The following TNFRSF8 variants were observed in gnomAD, a reference collection of about 807,000 sequenced individuals.
TNFRSF8 encodes tumor necrosis factor receptor superfamily member 8.
TNFRSF8 carries 26 observed loss-of-function variants against 70.8 expected under a neutral mutation model. The observed-to-expected ratio is 0.37, with a 90% confidence interval of 0.27 to 0.51. The LOEUF (loss-of-function observed/expected upper bound fraction) is 0.51. Ranked by LOEUF, TNFRSF8 falls within the 20% of genes least tolerant of loss-of-function variation. TNFRSF8 has a pLI of 0.94. For synonymous variants in TNFRSF8, 356 were observed against 339.2 expected (o/e 1.05, Z -0.54); for missense variants, 720 against 807.9 (o/e 0.89, Z 1.32).
chr1:12,104,511 G>A lies in TNFRSF8; in HGVS notation c.401G>A (p.Gly134Glu), dbSNP rs1410281984. The A allele has an allele frequency of 6.2e-7, 1 of 1,614,172 alleles. No homozygotes were observed. Among genetic ancestry groups the A allele is most frequent in the East Asian group, 2.2e-5 (1 of 44,888 alleles). ...TTCTTCCATTCTGTCTGTCCGGCAG[G>A]GATGATTGTCAAGTTCCCAGGTCAG... Reference protein sequence around the residue: ...RCFFHSVCPAGMIVKFPGTAQ... With the variant: ...RCFFHSVCPAEMIVKFPGTAQ... The change falls in exon 4 of 15, where the codon GGG (glycine) becomes GAG (glutamate). Residue 134 changes from glycine (G) to glutamate (E), a missense_variant. Physicochemically the swap from Gly to Glu is moderately conservative, Grantham distance 98 (BLOSUM62 -2). Transcript: ENST00000263932.
intron 1 of TNFRSF8, among the ~76,000 whole-genome samples, chr1:12,083,149 C>T (rs1641094619): frequency 6.6e-6 from 1 of 152,190 alleles, no homozygotes; most frequent in South Asian, 2.1e-4. Context: ...CTTTTAAAAA[C>T]TGATACCACC....
chr1:12,115,508 G>C, intron 7 of TNFRSF8, 69 bp from the exon 8 acceptor site: 1 of 1,546,758 alleles, frequency 6.5e-7, no homozygotes, highest in South Asian at 1.1e-5. Context: ...CTGTCTTCCT[G>C]GGGGCTCTCT....
chr1:12,141,118 T>C lies in TNFRSF8; in HGVS notation c.1544-1169T>C, dbSNP rs1256651059. Among the ~76,000 whole-genome samples, 1 of 152,172 alleles carries C rather than the reference T, an allele frequency of 6.6e-6. No homozygotes were observed. The highest frequency in any genetic ancestry group is 2.4e-5 in the African/African-American group (1 of 41,424). ...CAAAACCAGAATAGAAGAACCAGCG[T>C]CATGCAATAGGGTTGAGGGTGTGGG... On this transcript the variant is annotated intron_variant, in intron 14 of 14. Transcript: ENST00000263932. This position sits in a 1 kb window ranked among gnomAD's most constrained non-coding sequence, Gnocchi z 5.4.
chr1:12,138,157 G>A lies in TNFRSF8; in HGVS notation c.1336-72G>A, dbSNP rs1642181531. On this transcript the variant is annotated intron_variant, in intron 13 of 14. Coordinates refer to ENST00000263932, the MANE Select transcript of TNFRSF8 (RefSeq NM_001243.5). This position sits in a 1 kb window ranked among gnomAD's most constrained non-coding sequence, Gnocchi z 5.7. ...GGGTCTGTAGAGATGAAAAAAAAAA[G>A]GGGCCTCCCAGTTCAGAGACTGGTG... 1 of 1,477,748 alleles carries A rather than the reference G, an allele frequency of 6.8e-7. No individual in the cohort carries two copies. Among genetic ancestry groups the A allele is most frequent in the East Asian group, 2.3e-5 (1 of 43,634 alleles). The allele number at this position is 1,477,748 out of a possible 1,614,324, so 91.5% of individuals were successfully genotyped here.
chr1:12,087,165 C>CTTTTT (rs71230982), intron 2 of TNFRSF8, among the ~76,000 whole-genome samples: 2 of 83,938 alleles, frequency 2.4e-5, no homozygotes, highest in African/African-American at 4.5e-5. Context: ...CTCTCTCTCT[C>CTTTTT]TTTTTTTTTT....
At chr1:12,132,480 C>T (rs1642065726) in intron 12 of TNFRSF8, among the ~76,000 whole-genome samples, 1 of 152,220 alleles carries the variant, frequency 6.6e-6, no homozygotes, top group Non-Finnish European at 1.5e-5. Flanking sequence ...ATGTCTTCCC[C>T]ATGATTAGAC....
chr1:12,125,743 C>T (rs1311902017), intron 10 of TNFRSF8, among the ~76,000 whole-genome samples: 3 of 152,228 alleles, frequency 2.0e-5, no homozygotes, highest in Non-Finnish European at 2.9e-5. Flanking sequence ...ACACAGTTTG[C>T]CCTTCTCTCA....
At chr1:12,095,013 A>C (rs1470683085) in intron 2 of TNFRSF8, among the ~76,000 whole-genome samples, 2 of 152,136 alleles carry the variant, frequency 1.3e-5, no homozygotes, top group Non-Finnish European at 2.9e-5. Context: ...GGTAGATTTC[A>C]CAGGGTTCAT....
intron 7 of TNFRSF8, among the ~76,000 whole-genome samples, chr1:12,114,662 T>C (rs1238689259): frequency 6.6e-6 from 1 of 150,552 alleles, no homozygotes; most frequent in Non-Finnish European, 1.5e-5. Flanking sequence ...ACCTCTAACA[T>C]GGTTTTTTTT....
intron 14 of TNFRSF8, among the ~76,000 whole-genome samples, chr1:12,140,593 A>T (rs1009387664): frequency 6.6e-6 from 1 of 152,144 alleles, no homozygotes; most frequent in African/African-American, 2.4e-5. Context: ...CAGACCCCTC[A>T]TGGCCGGCTC....
chr1:12,067,901 G>GGGT (rs1262814871), intron 1 of TNFRSF8, among the ~76,000 whole-genome samples: 1 of 123,456 alleles, frequency 8.1e-6, no homozygotes, highest in African/African-American at 3.1e-5. Context: ...ACGGCGGGGG[G>GGGT]GCGGGGGGGG....
chr1:12,081,411 T>C (rs1409238432), intron 1 of TNFRSF8, among the ~76,000 whole-genome samples: 1 of 152,096 alleles, frequency 6.6e-6, no homozygotes, highest in Non-Finnish European at 1.5e-5. Context: ...CCCAGTGAGA[T>C]GCTGTGGGTT....
In TNFRSF8 at chr1:12,115,564, C is replaced by G. The variant is rs373120260; in HGVS notation, c.794-13C>G. ...ACTGATCTTTCTCCGTGATCCTCAT[C>G]TGTGTCCCTTAGATGACCTTGTGGA... On this transcript the variant is annotated splice_polypyrimidine_tract_variant and intron_variant, in intron 7 of 14. Coordinates refer to ENST00000263932, the MANE Select transcript of TNFRSF8 (RefSeq NM_001243.5). The G allele has an allele frequency of 1.2e-6, 2 of 1,614,108 alleles. No individual in the cohort carries two copies. The highest frequency in any genetic ancestry group is 1.7e-5 in the Admixed American group (1 of 60,006).
intron 1 of TNFRSF8, among the ~76,000 whole-genome samples, chr1:12,082,493 T>C (rs1233526555): frequency 6.8e-6 from 1 of 147,216 alleles, no homozygotes; most frequent in Non-Finnish European, 1.5e-5. Flanking sequence ...GAGGCTGCAG[T>C]GAGCCATGAT....
intron 1 of TNFRSF8, among the ~76,000 whole-genome samples, chr1:12,075,876 T>C (rs1364670840): frequency 6.6e-6 from 1 of 151,966 alleles, no homozygotes; most frequent in Non-Finnish European, 1.5e-5. Flanking sequence ...ACCAGAAACA[T>C]TCCAACACCC....
intron 9 of TNFRSF8, 39 bp from the exon 10 acceptor site, chr1:12,123,676 C>T: frequency 2.7e-6 from 4 of 1,501,986 alleles, no homozygotes; most frequent in Non-Finnish European, 2.7e-6. Context: ...CTTCCCTCTT[C>T]CCATCTTCAT....
rs199882524 is a variant in TNFRSF8, at chr1:12,097,869, G to A, written c.268+652G>A. Among the ~76,000 whole-genome samples the A allele has an allele frequency of 1.2e-4, 18 of 152,170 alleles. No individual in the cohort carries two copies. In the East Asian group the frequency reaches 2.9e-3, roughly 24 times the overall value. Reference sequence around the variant, plus strand: ...TTAAAATGTGTATTCTGTTTGTTGCGTATAAAGTTCTCTACATATCTATTA... The same window carrying A: ...TTAAAATGTGTATTCTGTTTGTTGCATATAAAGTTCTCTACATATCTATTA... On this transcript the variant is annotated intron_variant, in intron 3 of 14. Coordinates refer to ENST00000263932, the MANE Select transcript of TNFRSF8 (RefSeq NM_001243.5).
chr1:12,066,424 G>A (rs1047107042), intron 1 of TNFRSF8, among the ~76,000 whole-genome samples: 7 of 151,230 alleles, frequency 4.6e-5, no homozygotes, highest in Admixed American at 3.3e-4. Flanking sequence ...CACGATCTTG[G>A]CTCACTGCAA....
intron 3 of TNFRSF8, among the ~76,000 whole-genome samples, chr1:12,102,996 T>C (rs11569842): frequency 4.2e-4 from 64 of 152,230 alleles, no homozygotes; most frequent in African/African-American, 1.5e-3. Flanking sequence ...ACATTTTTCA[T>C]GTGTTTATTG....
Sources: allele counts gnomAD v4.1 joint callset (sites outside exome capture counted in the v4.1 genomes callset), GRCh38; gene constraint gnomAD v4.1.1; non-coding constraint Gnocchi (gnomAD v3.1); transcripts MANE v1.5; gene names NCBI Gene and HGNC (gene_info 2026-07-23, HGNC 2026-07-21).